The following CPD variants were observed in gnomAD, a reference collection of about 807,000 sequenced individuals.
The protein encoded by CPD is metallocarboxypeptidase D.
In CPD, 69 loss-of-function variants were observed where a neutral mutation model predicts 138.3. The ratio of observed to expected loss-of-function variants is 0.50; its 90% confidence interval spans 0.41 to 0.61. The LOEUF (loss-of-function observed/expected upper bound fraction) is 0.61. Ranked by LOEUF, CPD falls within the 20% of genes least tolerant of loss-of-function variation. The pLI, the probability that CPD is intolerant of heterozygous loss-of-function variation, is 0.00. For synonymous variants in CPD, 651 were observed against 642.1 expected (o/e 1.01, Z -0.21); for missense variants, 1,432 against 1,733.3 (o/e 0.83, Z 3.09).
At chr17:30,427,366 T>C in intron 6 of CPD, 25 bp from the exon 7 acceptor site, 1 of 1,608,386 alleles carries the variant, frequency 6.2e-7, no homozygotes, top group African/African-American at 1.3e-5. Flanking sequence ...TGGCTTATAT[T>C]CAAATCCTTT....
At position 30,465,131 on chromosome 17, in the gene CPD, A is replaced by G. The variant is rs76996955; in HGVS notation, c.*317A>G. The G allele has an allele frequency of 3.8e-6, 1 of 265,444 alleles. No homozygotes were observed. The highest frequency in any genetic ancestry group is 7.3e-6 in the Non-Finnish European group (1 of 137,326). The allele number at this position is 265,444 out of a possible 1,614,324, so 16.4% of individuals were successfully genotyped here. A position where few individuals can be genotyped will look rare whatever the true frequency, so the allele number is the denominator to read the frequency against. ...CCAACTAGAGGATGTTGTATTTTGC[A>G]CATCAGATGTTTACTAGTGGCTTTA... is the stretch of plus-strand genomic sequence containing the variant. On this transcript the variant is annotated 3_prime_UTR_variant, in exon 21 of 21. Coordinates refer to ENST00000225719, the MANE Select transcript of CPD (RefSeq NM_001304.5).
chr17:30,427,775 T>C (rs904312902), intron 7 of CPD, among the ~76,000 whole-genome samples: 2 of 152,038 alleles, frequency 1.3e-5, no homozygotes, highest in East Asian at 1.9e-4. Flanking sequence ...CCTCCTCTTC[T>C]CTTCTCCTTT....
intron 2 of CPD, among the ~76,000 whole-genome samples, chr17:30,405,522 T>G (rs2143366635): frequency 6.6e-6 from 1 of 152,274 alleles, no homozygotes; most frequent in East Asian, 1.9e-4. Context: ...GTTAACCTAG[T>G]CAACCACTTT....
intron 2 of CPD, among the ~76,000 whole-genome samples, chr17:30,395,646 T>C (rs1366174062): frequency 6.6e-6 from 1 of 151,940 alleles, no homozygotes; most frequent in Non-Finnish European, 1.5e-5. Flanking sequence ...TTAGATCTAA[T>C]GTGTATAAAT....
chr17:30,444,136 G>T, intron 11 of CPD, 165 bp downstream of exon 11: 1 of 503,420 alleles, frequency 2.0e-6, no homozygotes, highest in Non-Finnish European at 3.4e-6. Flanking sequence ...GTGGCAGATA[G>T]AGTACACGAA....
intron 7 of CPD, among the ~76,000 whole-genome samples, chr17:30,429,475 C>A (rs923218966): frequency 6.6e-6 from 1 of 152,064 alleles, no homozygotes; most frequent in African/African-American, 2.4e-5. Flanking sequence ...AGTTTGAAAT[C>A]TTGGCAAAGC....
At chr17:30,439,394 C>CTTTTTTTTTTTTTTTT (rs71138889) in intron 9 of CPD, among the ~76,000 whole-genome samples, 15 of 124,654 alleles carry the variant, frequency 1.2e-4, no homozygotes, top group Admixed American at 2.5e-4. Context: ...ACGTTACTTT[C>CTTTTTTTTTTTTTTTT]TTTTTTTTTT....
intron 7 of CPD, among the ~76,000 whole-genome samples, chr17:30,428,561 C>A (rs1249601497): frequency 6.6e-6 from 1 of 152,114 alleles, no homozygotes; most frequent in Non-Finnish European, 1.5e-5. Flanking sequence ...AAACCTTACA[C>A]TAAGTGACAA....
intron 12 of CPD, among the ~76,000 whole-genome samples, chr17:30,447,853 A>T (rs1913070621): frequency 6.6e-6 from 1 of 152,140 alleles, no homozygotes; most frequent in African/African-American, 2.4e-5. Flanking sequence ...ATTTTGTTAC[A>T]GTTACTCCAA....
chr17:30,451,575 A>G, intron 13 of CPD, 136 bp from the exon 14 acceptor site: 1 of 772,712 alleles, frequency 1.3e-6, no homozygotes, highest in Non-Finnish European at 2.0e-6. Flanking sequence ...TTAATTTTTT[A>G]TTTTTTCATT....
chr17:30,461,207 C>G lies in CPD; in HGVS notation c.3526C>G (p.Pro1176Ala). The stretch of plus-strand genomic sequence containing the variant: ...TTATAGTGTCACCTATGGCCATTGT[C>G]CGGAAATCACAGTATACACAAGCTG... ...KDYSVTYGHC[P>A]EITVYTSCCY... The change falls in exon 18 of 21, where the codon CCG (proline) becomes GCG (alanine). Residue 1176 changes from proline to alanine, a missense_variant. By Grantham distance (27) the Pro-to-Ala change is conservative. Coordinates refer to ENST00000225719, the MANE Select transcript of CPD (RefSeq NM_001304.5). 1 of 1,605,332 alleles carries G rather than the reference C, an allele frequency of 6.2e-7. No individual in the cohort carries two copies. Among genetic ancestry groups the G allele is most frequent in the East Asian group, 2.2e-5 (1 of 44,642 alleles).
chr17:30,411,897 C>T (rs958776693), intron 2 of CPD, among the ~76,000 whole-genome samples: 2 of 152,166 alleles, frequency 1.3e-5, no homozygotes, highest in African/African-American at 2.4e-5. Flanking sequence ...AGTTTTGTTC[C>T]GTTGCTGGCA....
rs763763156 is a variant in CPD, at chr17:30,385,171, C to G, written c.929C>G (p.Pro310Arg). 6.2e-7 allele frequency: 1 copy of G among 1,613,968 alleles called. No individual in the cohort carries two copies. Among genetic ancestry groups the G allele is most frequent in the Non-Finnish European group, 8.5e-7 (1 of 1,179,948 alleles). ...ATGAAAACTGGTGAGCCTCATTGTC[C>G]AGGAGATGAAGACGAGACTTTCAAA... is the stretch of plus-strand genomic sequence containing the variant. ...PIMKTGEPHC[P>R]GDEDETFKDG... is the part of the protein sequence containing the mutation. The change falls in exon 2 of 21, where the codon CCA (proline) becomes CGA (arginine). Residue 310 changes from proline to arginine, a missense_variant. By Grantham distance (103) the Pro-to-Arg change is moderately radical (BLOSUM62 -2). Transcript: ENST00000225719.
chr17:30,388,241 T>C (rs1469318941), intron 2 of CPD, among the ~76,000 whole-genome samples: 2 of 152,162 alleles, frequency 1.3e-5, no homozygotes, highest in African/African-American at 4.8e-5. Context: ...AAGTCCCCAC[T>C]CCAGTCTATG....
chr17:30,399,993 AAAAT>A (rs1360936259), intron 2 of CPD, among the ~76,000 whole-genome samples: 1 of 152,212 alleles, frequency 6.6e-6, no homozygotes, highest in African/African-American at 2.4e-5. Context: ...TCTGTCTCAA[AAAAT>A]AAATAAATAA....
intron 12 of CPD, chr17:30,447,589 A>G (rs1913063915): frequency 6.6e-6 from 1 of 152,072 alleles, no homozygotes; most frequent in African/African-American, 2.4e-5. Flanking sequence ...GGGGCAAGGG[A>G]GGAATTTAGA....
intron 5 of CPD, 46 bp from the exon 6 acceptor site, chr17:30,423,460 G>T: frequency 7.3e-7 from 1 of 1,376,298 alleles, no homozygotes; most frequent in Non-Finnish European, 9.7e-7. Flanking sequence ...AGTCCATGAT[G>T]ATTAAGAAGG....
intron 12 of CPD, among the ~76,000 whole-genome samples, chr17:30,447,069 A>G (rs554938390): frequency 1.3e-5 from 2 of 152,206 alleles, no homozygotes; most frequent in African/African-American, 4.8e-5. Flanking sequence ...TAGATTCTGG[A>G]TATTAGCCCT....
At chr17:30,396,503 A>AT (rs1404637536) in intron 2 of CPD, among the ~76,000 whole-genome samples, 3 of 152,326 alleles carry the variant, frequency 2.0e-5, no homozygotes, top group Non-Finnish European at 4.4e-5. Flanking sequence ...GATTGAATTT[A>AT]TTAATCTCCC....
Sources: allele counts gnomAD v4.1 joint callset (sites outside exome capture counted in the v4.1 genomes callset), GRCh38; gene constraint gnomAD v4.1.1; transcripts MANE v1.5; gene names NCBI Gene and HGNC (gene_info 2026-07-23, HGNC 2026-07-21).